MCF2L2: variants seen among roughly 807,000 people sequenced by gnomAD.
MCF2L2 encodes the protein MCF.2 cell line derived transforming sequence-like 2.
Under a neutral mutation model 150.2 loss-of-function variants are expected in MCF2L2, and 102 were observed. The ratio of observed to expected loss-of-function variants is 0.68; its 90% confidence interval spans 0.58 to 0.80. The LOEUF (loss-of-function observed/expected upper bound fraction) is 0.80, where lower values mean the gene tolerates loss of function less well. Ranked by LOEUF, MCF2L2 falls within the 30% of genes least tolerant of loss-of-function variation. The probability of loss-of-function intolerance (pLI) is 0.00; values close to 1 mark genes in which losing one functional copy is unlikely to be tolerated. For synonymous variants in MCF2L2, 465 were observed against 491.3 expected (o/e 0.95, Z 0.71); for missense variants, 1,256 against 1,372.8 (o/e 0.91, Z 1.34).
At chr3:183,373,673 C>G (rs1046994058) in intron 3 of MCF2L2, 3 of 152,106 alleles carry the variant, frequency 2.0e-5, no homozygotes, top group African/African-American at 7.2e-5. Flanking sequence ...GCTGAAAATC[C>G]AGGTTTCACC....
At position 183,302,000 on chromosome 3, in the gene MCF2L2, G is replaced by C. The variant is rs577872427; in HGVS notation, c.1114-1804C>G. The stretch of plus-strand genomic sequence containing the variant: ...TGATTACTTGCTTTTTCTTCTGGGA[G>C]TCTGAAATCTTGGTACTTGCCAGAC... On this transcript the variant is annotated intron_variant, in intron 10 of 29. Coordinates refer to ENST00000328913, the MANE Select transcript of MCF2L2 (RefSeq NM_015078.4). Among the ~76,000 whole-genome samples, 3 of 152,226 alleles carry C rather than the reference G, an allele frequency of 2.0e-5. No homozygotes were observed. In the South Asian group the frequency reaches 6.2e-4, roughly 32 times the overall value.
chr3:183,271,466 G>A (rs1726775914), intron 15 of MCF2L2: 2 of 167,162 alleles, frequency 1.2e-5, no homozygotes, highest in Admixed American at 1.3e-4. Flanking sequence ...AGAAAAATGT[G>A]TACAATGTTA....
intron 13 of MCF2L2, among the ~76,000 whole-genome samples, chr3:183,291,808 A>G (rs1212417518): frequency 2.0e-5 from 3 of 152,216 alleles, no homozygotes; most frequent in African/African-American, 7.2e-5. Flanking sequence ...ACAAAGACCT[A>G]TTTATTCTGG....
rs1209693967 is a variant in MCF2L2, at chr3:183,305,778, G to A, written c.1113+3938C>T. Among the ~76,000 whole-genome samples, 1 of 152,186 alleles carries A rather than the reference G, an allele frequency of 6.6e-6. No homozygotes were observed. Among genetic ancestry groups the A allele is most frequent in the Admixed American group, 6.5e-5 (1 of 15,280 alleles). On this transcript the variant is annotated intron_variant, in intron 10 of 29. Transcript: ENST00000328913. This position sits in a 1 kb window ranked among gnomAD's most constrained non-coding sequence, Gnocchi z 4.1. The stretch of plus-strand genomic sequence containing the variant: ...ACAGAAGAATCGCTTGAACCCAGGA[G>A]GCGGAGGTTGCAGTGAGCTGAGATT...
chr3:183,377,383 T>C (rs1484666336), intron 3 of MCF2L2: 2 of 152,196 alleles, frequency 1.3e-5, no homozygotes, highest in African/African-American at 2.4e-5. Flanking sequence ...CATTCTTTTT[T>C]ATGGCGCATA....
At chr3:183,354,287 C>G (rs1001794857) in intron 3 of MCF2L2, among the ~76,000 whole-genome samples, 3 of 152,148 alleles carry the variant, frequency 2.0e-5, no homozygotes, top group Non-Finnish European at 4.4e-5. Flanking sequence ...GAAATGATCC[C>G]GCAAAGCTGT....
chr3:183,261,480 G>C (rs927271382), intron 15 of MCF2L2, among the ~76,000 whole-genome samples: 1 of 152,112 alleles, frequency 6.6e-6, no homozygotes, highest in African/African-American at 2.4e-5. Flanking sequence ...AAATGTAAAA[G>C]ATATAAAGGA....
intron 1 of MCF2L2, among the ~76,000 whole-genome samples, chr3:183,412,728 T>A (rs1715382610): frequency 6.6e-6 from 1 of 152,200 alleles, no homozygotes; most frequent in African/African-American, 2.4e-5. Context: ...TTATTTTTTT[T>A]CCTAACTGCT....
intron 23 of MCF2L2, 134 bp from the exon 24 acceptor site, chr3:183,206,348 T>C: frequency 1.5e-6 from 1 of 679,412 alleles, no homozygotes; most frequent in Non-Finnish European, 2.6e-6. Context: ...TTTGCTTTCC[T>C]CTCTTAATGA....
chr3:183,400,211 T>G (rs570138955), intron 1 of MCF2L2: 2 of 310,084 alleles, frequency 6.4e-6, no homozygotes, highest in African/African-American at 2.2e-5. Context: ...ATTTTAAAAC[T>G]TCTTCACAAA....
chr3:183,195,419 C>T (rs1722048919), intron 25 of MCF2L2, among the ~76,000 whole-genome samples, 164 bp from the exon 26 acceptor site: 1 of 152,084 alleles, frequency 6.6e-6, no homozygotes, highest in South Asian at 2.1e-4. Flanking sequence ...TCAGAAAACG[C>T]TGCTACAGTC....
At chr3:183,336,401 C>T (rs1453454897) in intron 5 of MCF2L2, among the ~76,000 whole-genome samples, 1 of 151,942 alleles carries the variant, frequency 6.6e-6, no homozygotes, top group East Asian at 1.9e-4. Flanking sequence ...CATAAAACAT[C>T]CAAGAATATA....
chr3:183,325,242 A>T (rs1264185607), intron 5 of MCF2L2, among the ~76,000 whole-genome samples: 2 of 151,904 alleles, frequency 1.3e-5, no homozygotes, highest in Non-Finnish European at 2.9e-5. Context: ...CATTGTGCAC[A>T]TGTACCCTAG....
At chr3:183,408,108 T>TC (rs11329088) in intron 1 of MCF2L2, among the ~76,000 whole-genome samples, 1 of 151,738 alleles carries the variant, frequency 6.6e-6, no homozygotes, top group Non-Finnish European at 1.5e-5. Context: ...AATTACCTTG[T>TC]CCCCCCCAAT....
At chr3:183,412,532 C>G (rs1437822750) in intron 1 of MCF2L2, among the ~76,000 whole-genome samples, 2 of 152,144 alleles carry the variant, frequency 1.3e-5, no homozygotes, top group South Asian at 4.2e-4. Context: ...CTCCTGACCT[C>G]AAGTGATCCA....
chr3:183,250,594 GAAAA>G (rs111311322), intron 15 of MCF2L2, among the ~76,000 whole-genome samples: 1 of 104,244 alleles, frequency 9.6e-6, no homozygotes, highest in Non-Finnish European at 2.1e-5. Flanking sequence ...TTCAAAAAAA[GAAAA>G]AAAAAAAAAA....
intron 5 of MCF2L2, among the ~76,000 whole-genome samples, chr3:183,338,519 C>A (rs1361537510): frequency 1.3e-5 from 2 of 151,594 alleles, no homozygotes; most frequent in East Asian, 3.9e-4. Flanking sequence ...TGAATAAAAT[C>A]CAAAACCTGC....
rs1728899975 is a variant in MCF2L2 at position 183,302,463 on chromosome 3, G to A, written c.1114-2267C>T. 2.0e-5 allele frequency among the ~76,000 whole-genome samples: 3 copies of A among 152,122 alleles called. No homozygotes were observed. In the South Asian group the frequency reaches 6.2e-4, roughly 31 times the overall value. On this transcript the variant is annotated intron_variant, in intron 10 of 29. Transcript: ENST00000328913. ...GAGGCCAGTGTGGCTGCAGCAGAGG[G>A]AGCAAGAAGGAAATGAGTGGAAGAC... is the stretch of plus-strand genomic sequence containing the variant.
intron 17 of MCF2L2, 100 bp downstream of exon 17, chr3:183,229,566 C>T: frequency 1.6e-6 from 1 of 624,940 alleles, no homozygotes; most frequent in Non-Finnish European, 2.8e-6. Flanking sequence ...CTTGCTTAAA[C>T]CTGAAAACAT....
Sources: gnomAD v4.1 joint callset for allele counts (sites outside exome capture counted in the v4.1 genomes callset) on GRCh38, gnomAD v4.1.1 for gene constraint, Gnocchi (gnomAD v3.1) non-coding constraint, MANE v1.5 for transcripts, NCBI Gene and HGNC (gene_info 2026-07-23, HGNC 2026-07-21) for gene names.